MOCS2: variants seen among roughly 807,000 people sequenced by gnomAD.
The protein encoded by MOCS2 is molybdopterin synthase catalytic subunit.
Under a neutral mutation model 21.9 loss-of-function variants are expected in MOCS2, and 13 were observed. The ratio of observed to expected loss-of-function variants is 0.59; its 90% confidence interval spans 0.39 to 0.94. The LOEUF (loss-of-function observed/expected upper bound fraction) is 0.94. Among genes scored for constraint, MOCS2 ranks in the 40% least tolerant of loss-of-function variants. The probability of loss-of-function intolerance (pLI) is 0.00; values close to 1 mark genes in which losing one functional copy is unlikely to be tolerated. For synonymous variants in MOCS2, 92 were observed against 80.8 expected (o/e 1.14, Z -0.74); for missense variants, 227 against 218.3 (o/e 1.04, Z -0.25).
rs1291952000 is a variant in MOCS2, at chr5:53,097,350, A to G, written c.*1252T>C. On this transcript the variant is annotated 3_prime_UTR_variant, in exon 7 of 7. Coordinates refer to ENST00000396954, the MANE Select transcript of MOCS2 (RefSeq NM_004531.5). ...ATCACTGGGTGGGTGCCTGGCACAAAACAGGCATTCAATAAATATTTGTTG... is the reference window on the plus strand; with the variant it reads ...ATCACTGGGTGGGTGCCTGGCACAAGACAGGCATTCAATAAATATTTGTTG... The G allele has an allele frequency of 1.3e-5, 2 of 152,202 alleles. No homozygotes were observed. The highest frequency in any genetic ancestry group is 1.3e-4 in the Admixed American group (2 of 15,280). 9.4% of individuals were successfully genotyped at this position (152,202 alleles called of 1,614,324 possible). A position where few individuals can be genotyped will look rare whatever the true frequency, so the allele number is the denominator to read the frequency against.
At position 53,096,735 on chromosome 5, in the gene MOCS2, A is replaced by G. The variant is rs1019518051; in HGVS notation, c.*1867T>C. The G allele has an allele frequency of 6.6e-6, 1 of 152,228 alleles. No homozygotes were observed. 9.4% of individuals were successfully genotyped at this position (152,228 alleles called of 1,614,324 possible). ...GTTAACTCCTTAACCTCTCTGTTGG[A>G]GACTTTAAAAGCATAACAGTCTCAG... On this transcript the variant is annotated 3_prime_UTR_variant, in exon 7 of 7. Transcript: ENST00000396954.
At chr5:53,099,549 C>G (rs990749337) in intron 6 of MOCS2, among the ~76,000 whole-genome samples, 1 of 146,582 alleles carries the variant, frequency 6.8e-6, no homozygotes, top group Non-Finnish European at 1.5e-5. Context: ...CTAATCCCTA[C>G]GTATTCTAAC....
At chr5:53,104,207 T>C (rs1740993341) in intron 3 of MOCS2, among the ~76,000 whole-genome samples, 1 of 152,202 alleles carries the variant, frequency 6.6e-6, no homozygotes, top group African/African-American at 2.4e-5. Flanking sequence ...ATTTTTCATC[T>C]GCTACACAAG....
Position 53,108,540 on chromosome 5 carries a change from A to G in MOCS2, c.-66T>C. 3 of 1,612,924 alleles carry G rather than the reference A, an allele frequency of 1.9e-6. No homozygotes were observed. The highest frequency in any genetic ancestry group is 2.5e-6 in the Non-Finnish European group (3 of 1,179,212). On this transcript the variant is annotated 5_prime_UTR_variant, in exon 2 of 7. Coordinates refer to ENST00000396954, the MANE Select transcript of MOCS2 (RefSeq NM_004531.5). ...TAACTACCCAGGATGTCGAGTTTCTATCTCCTTCCACAGCTGCAACGCTTT... is the reference window on the plus strand; with the variant it reads ...TAACTACCCAGGATGTCGAGTTTCTGTCTCCTTCCACAGCTGCAACGCTTT...
rs1339336289 is a variant in MOCS2, at chr5:53,109,439, G to A, written c.-358C>T. 2.4e-6 allele frequency: 3 copies of A among 1,263,426 alleles called. No individual in the cohort carries two copies. Among genetic ancestry groups the A allele is most frequent in the Admixed American group, 7.7e-5 (2 of 26,028 alleles). 78.3% of individuals were successfully genotyped at this position (1,263,426 alleles called of 1,614,324 possible). Reference sequence around the variant, plus strand: ...AAAGAGGTGGTCATAAAAGGTGGAGGCGCCTTCAGAACGAGTCCGTCCTTG... The same window carrying A: ...AAAGAGGTGGTCATAAAAGGTGGAGACGCCTTCAGAACGAGTCCGTCCTTG... On this transcript the variant is annotated 5_prime_UTR_variant, in exon 1 of 7. Coordinates refer to ENST00000396954, the MANE Select transcript of MOCS2 (RefSeq NM_004531.5).
intron 2 of MOCS2, 76 bp downstream of exon 2, chr5:53,108,446 C>CTTA (rs1554028119): frequency 0.039 from 52,263 of 1,338,926 alleles, 1,107 homozygotes; most frequent in East Asian, 0.09. Context: ...CGAAATTAAC[C>CTTA]TTTTTACTTT....
chr5:53,099,993 T>C (rs576563305), intron 6 of MOCS2, among the ~76,000 whole-genome samples: 1 of 150,652 alleles, frequency 6.6e-6, no homozygotes, highest in Non-Finnish European at 1.5e-5. Context: ...GGGAGCAATA[T>C]CTCACCATTT....
chr5:53,107,246 A>T (rs1310658701), intron 2 of MOCS2, 25 bp from the exon 3 acceptor site: 2 of 1,598,282 alleles, frequency 1.3e-6, no homozygotes, highest in Non-Finnish European at 1.7e-6. Context: ...ATATGACTCA[A>T]AGTATCAACG....
chr5:53,108,806 A>G (rs535691354), intron 1 of MOCS2, among the ~76,000 whole-genome samples, 163 bp from the exon 2 acceptor site: 1 of 152,330 alleles, frequency 6.6e-6, no homozygotes, highest in African/African-American at 2.4e-5. Context: ...TACAAGTTCA[A>G]ATTCTGAAAA....
Position 53,098,224 on chromosome 5 carries a change from G to T in MOCS2, c.*378C>A, listed in dbSNP as rs10120. ...AACAATGCTCTCCCAGAACCGGGATGGGGGGCGGTGAGGTGGGGTTGGTGG... is the reference window on the plus strand; with the variant it reads ...AACAATGCTCTCCCAGAACCGGGATTGGGGGCGGTGAGGTGGGGTTGGTGG... On this transcript the variant is annotated 3_prime_UTR_variant, in exon 7 of 7. Transcript: ENST00000396954. 2.7e-5 allele frequency: 6 copies of T among 218,306 alleles called. No homozygotes were observed. The highest frequency in any genetic ancestry group is 9.1e-5 in the African/African-American group (4 of 43,792). The allele number at this position is 218,306 out of a possible 1,614,324, so 13.5% of individuals were successfully genotyped here.
At position 53,100,401 on chromosome 5, in the gene MOCS2, CT is replaced by C; in HGVS notation, c.501+9del. 6.2e-7 allele frequency: 1 copy of C among 1,613,570 alleles called. No homozygotes were observed. The highest frequency in any genetic ancestry group is 2.2e-5 in the East Asian group (1 of 44,862). On this transcript the variant is annotated intron_variant, in intron 6 of 6. Transcript: ENST00000396954. ...TCCACATGCTAAAATGTGTTATTTTCTTAACTTACCTTTTTCCATATGGGCA... is the reference window on the plus strand; with the variant it reads ...TCCACATGCTAAAATGTGTTATTTTCTAACTTACCTTTTTCCATATGGGCA...
At chr5:53,105,766 G>A (rs1001454466) in intron 3 of MOCS2, among the ~76,000 whole-genome samples, 1 of 152,120 alleles carries the variant, frequency 6.6e-6, no homozygotes, top group Non-Finnish European at 1.5e-5. Context: ...CATAGCAAAG[G>A]AAACTATCAA....
chr5:53,101,941 C>T (rs908206326), intron 4 of MOCS2, among the ~76,000 whole-genome samples, 156 bp downstream of exon 4: 1 of 152,090 alleles, frequency 6.6e-6, no homozygotes, highest in African/African-American at 2.4e-5. Context: ...GTTACTAAAA[C>T]AAAACAAGAA....
chr5:53,108,972 T>C (rs774296858), intron 1 of MOCS2, among the ~76,000 whole-genome samples: 2 of 152,186 alleles, frequency 1.3e-5, no homozygotes, highest in Non-Finnish European at 1.5e-5. Context: ...TTTATAAATA[T>C]GTAAGCAAAG....
intron 3 of MOCS2, among the ~76,000 whole-genome samples, chr5:53,103,109 A>C (rs1478429164): frequency 6.6e-6 from 1 of 152,054 alleles, no homozygotes; most frequent in African/African-American, 2.4e-5. Flanking sequence ...CCCACCATTA[A>C]ATGTGTTAGG....
chr5:53,108,403 C>G (rs1476380435), intron 2 of MOCS2, 119 bp downstream of exon 2: 3 of 992,462 alleles, frequency 3.0e-6, no homozygotes, highest in African/African-American at 3.3e-5. Flanking sequence ...AAAAATACAA[C>G]TAACGATTCT....
intron 3 of MOCS2, 66 bp from the exon 4 acceptor site, chr5:53,102,290 G>C (rs1740935816): frequency 9.7e-6 from 14 of 1,437,284 alleles, no homozygotes; most frequent in Non-Finnish European, 1.4e-5. Context: ...CAACTTATAG[G>C]CTCTTTCAAT....
chr5:53,108,679 T>G (rs1394638017), intron 1 of MOCS2, 36 bp from the exon 2 acceptor site: 1 of 1,604,336 alleles, frequency 6.2e-7, no homozygotes, highest in East Asian at 2.2e-5. Flanking sequence ...TAACAACTCA[T>G]ACTCGTTTTC....
At chr5:53,107,593 A>C (rs1741087657) in intron 2 of MOCS2, 2 of 233,258 alleles carry the variant, frequency 8.6e-6, no homozygotes, top group South Asian at 1.3e-4. Flanking sequence ...CACAAGTATA[A>C]CTGCCCACAA....
Sources: allele counts gnomAD v4.1 joint callset (sites outside exome capture counted in the v4.1 genomes callset), GRCh38; gene constraint gnomAD v4.1.1; transcripts MANE v1.5; gene names NCBI Gene and HGNC (gene_info 2026-07-23, HGNC 2026-07-21).